The following SLC24A2 variants were observed in gnomAD, a reference collection of about 807,000 sequenced individuals.
SLC24A2 encodes solute carrier family 24 member 2.
SLC24A2 carries 36 observed loss-of-function variants against 62.0 expected under a neutral mutation model. The observed-to-expected ratio is 0.58, with a 90% CI of 0.44 to 0.77. The LOEUF (loss-of-function observed/expected upper bound fraction) is 0.77. SLC24A2 is among the 30% of genes least tolerant of loss of function. The pLI is 0.00. For missense variants in SLC24A2, 846 were observed against 817.9 expected, an observed-to-expected ratio of 1.03 and a Z score of -0.42; for synonymous variants, 358 against 294.0, an observed-to-expected ratio of 1.22 and a Z score of -2.23.
chr9:19,690,675 C>G (rs1219072641), intron 2 of SLC24A2, among the ~76,000 whole-genome samples: 1 of 152,158 alleles, frequency 6.6e-6, no homozygotes, highest in Admixed American at 6.5e-5. Flanking sequence ...CTGGACAATT[C>G]AGTTTCATAA....
intron 2 of SLC24A2, among the ~76,000 whole-genome samples, chr9:19,762,877 G>A (rs1427754951): frequency 6.6e-6 from 1 of 150,776 alleles, no homozygotes; most frequent in Non-Finnish European, 1.5e-5. Context: ...TAGCTTGATG[G>A]GAATAGCATT....
chr9:19,884,047 CAT>C, the SLC24A2 span, among the ~76,000 whole-genome samples: 13 of 152,114 alleles, frequency 8.5e-5, no homozygotes, highest in Non-Finnish European at 1.3e-4. Context: ...CAACTATACT[CAT>C]GTGATAATAA....
At chr9:20,196,067 T>C in the SLC24A2 span, among the ~76,000 whole-genome samples, 1 of 152,172 alleles carries the variant, frequency 6.6e-6, no homozygotes, top group African/African-American at 2.4e-5. Flanking sequence ...TAAACGTTCA[T>C]CTATGACAAA....
chr9:20,041,683 T>G, the SLC24A2 span, among the ~76,000 whole-genome samples: 12 of 152,210 alleles, frequency 7.9e-5, no homozygotes, highest in Non-Finnish European at 1.8e-4. Context: ...TAGTATTTGA[T>G]AGGAGGTCTG....
chr9:19,891,195 C>T, the SLC24A2 span, among the ~76,000 whole-genome samples: 1 of 152,150 alleles, frequency 6.6e-6, no homozygotes, highest in Non-Finnish European at 1.5e-5. Context: ...CCTGTCTCTT[C>T]TTTTCTTCAG....
At chr9:19,631,086 T>C (rs371401721) in intron 2 of SLC24A2, among the ~76,000 whole-genome samples, 1 of 152,234 alleles carries the variant, frequency 6.6e-6, no homozygotes, top group African/African-American at 2.4e-5. Context: ...TTTTTCACTA[T>C]TGAGCACCCT....
chr9:19,514,935 C>T lies in SLC24A2; in HGVS notation c.*1218G>A, dbSNP rs1395983534. The T allele has an allele frequency of 1.3e-5, 2 of 152,196 alleles. No homozygotes were observed. The highest frequency in any genetic ancestry group is 4.8e-5 in the African/African-American group (2 of 41,434). The allele number at this position is 152,196 out of a possible 1,614,324, so 9.4% of individuals were successfully genotyped here. On this transcript the variant is annotated 3_prime_UTR_variant, in exon 11 of 11. Coordinates refer to ENST00000341998, the MANE Select transcript of SLC24A2 (RefSeq NM_020344.4). ...TTGGGAATAATGATTTCTTCAGACACTAAAGCCCTTTATGACTACACTGGA... is the reference window on the plus strand; with the variant it reads ...TTGGGAATAATGATTTCTTCAGACATTAAAGCCCTTTATGACTACACTGGA...
chr9:20,262,495 G>T, the SLC24A2 span, among the ~76,000 whole-genome samples: 1 of 152,216 alleles, frequency 6.6e-6, no homozygotes. Context: ...AGGATTTCTA[G>T]CAGCTTTGCT....
At chr9:20,223,956 T>A in the SLC24A2 span, among the ~76,000 whole-genome samples, 1 of 151,902 alleles carries the variant, frequency 6.6e-6, no homozygotes. Context: ...GCAAGTACCT[T>A]CTTCACGTGG....
At chr9:19,968,230 A>T in the SLC24A2 span, among the ~76,000 whole-genome samples, 407 of 152,264 alleles carry the variant, frequency 2.7e-3, 2 homozygotes, top group African/African-American at 9.2e-3. Flanking sequence ...TGTTCATCTG[A>T]GCACACCAGG....
the SLC24A2 span, among the ~76,000 whole-genome samples, chr9:19,971,608 A>G: frequency 2.6e-5 from 4 of 152,142 alleles, no homozygotes; most frequent in African/African-American, 4.8e-5. Context: ...ACCATTGTCA[A>G]TTGGATGATA....
the SLC24A2 span, among the ~76,000 whole-genome samples, chr9:19,857,322 G>C: frequency 1.3e-5 from 2 of 152,128 alleles, no homozygotes; most frequent in Admixed American, 6.5e-5. Context: ...AGTGGGCCTA[G>C]CAAGGTAATC....
the SLC24A2 span, among the ~76,000 whole-genome samples, chr9:19,888,929 C>T: frequency 1.3e-5 from 2 of 152,200 alleles, no homozygotes; most frequent in African/African-American, 4.8e-5. Flanking sequence ...GAATCTAACC[C>T]TGTGACACAG....
intron 1 of SLC24A2, among the ~76,000 whole-genome samples, chr9:19,788,315 G>A (rs369239729): frequency 3.6e-4 from 55 of 152,184 alleles, no homozygotes; most frequent in African/African-American, 1.3e-3. Context: ...GTAAATGCCC[G>A]GCCCGGGCGA....
chr9:20,072,728 G>C, the SLC24A2 span, among the ~76,000 whole-genome samples: 1 of 151,980 alleles, frequency 6.6e-6, no homozygotes, highest in East Asian at 1.9e-4. Flanking sequence ...GATATAAGTA[G>C]AGAGTAGAGT....
At chr9:19,572,372 T>C (rs1485284203) in intron 7 of SLC24A2, among the ~76,000 whole-genome samples, 1 of 151,830 alleles carries the variant, frequency 6.6e-6, no homozygotes, top group Non-Finnish European at 1.5e-5. Flanking sequence ...CACCCAAATC[T>C]CATCTCAAAT....
chr9:20,256,049 G>C, the SLC24A2 span, among the ~76,000 whole-genome samples: 1 of 152,190 alleles, frequency 6.6e-6, no homozygotes, highest in African/African-American at 2.4e-5. Flanking sequence ...AGGGCAGAGA[G>C]TGAGAGAGAG....
the SLC24A2 span, among the ~76,000 whole-genome samples, chr9:20,185,699 A>G: frequency 6.6e-6 from 1 of 151,790 alleles, no homozygotes; most frequent in Admixed American, 6.6e-5. Flanking sequence ...AAGAAAAAAC[A>G]TTACTCAGCC....
At chr9:19,753,026 G>C (rs1315567516) in intron 2 of SLC24A2, among the ~76,000 whole-genome samples, 1 of 152,182 alleles carries the variant, frequency 6.6e-6, no homozygotes, top group Non-Finnish European at 1.5e-5. Flanking sequence ...GGATTTCAAA[G>C]GAGGTCCCTG....
Sources: allele counts gnomAD v4.1 joint callset (sites outside exome capture counted in the v4.1 genomes callset), GRCh38; gene constraint gnomAD v4.1.1; transcripts MANE v1.5; gene names NCBI Gene and HGNC (gene_info 2026-07-23, HGNC 2026-07-21).